The following ZNF609 variants were observed in gnomAD, a reference collection of about 807,000 sequenced individuals.
ZNF609 encodes the protein zinc finger protein 609.
ZNF609 carries 11 observed loss-of-function variants against 109.5 expected under a neutral mutation model. The ratio of observed to expected loss-of-function variants is 0.10; its 90% confidence interval spans 0.06 to 0.17. ZNF609 has a LOEUF of 0.17. Among genes scored for constraint, ZNF609 ranks in the 10% least tolerant of loss-of-function variants. The pLI is 1.00. For missense variants in ZNF609, 1,559 were observed against 1,772.4 expected (o/e 0.88, Z 2.16); for synonymous variants, 646 against 662.0 (o/e 0.98, Z 0.37).
At chr15:64,561,759 C>T (rs975992219) in intron 2 of ZNF609, among the ~76,000 whole-genome samples, 4 of 152,024 alleles carry the variant, frequency 2.6e-5, no homozygotes, top group Non-Finnish European at 5.9e-5. Context: ...GAAACTTGTG[C>T]ATACCAAGAC....
At chr15:64,478,893 C>T (rs1893209628) in intron 1 of ZNF609, among the ~76,000 whole-genome samples, 1 of 152,092 alleles carries the variant, frequency 6.6e-6, no homozygotes, top group Admixed American at 6.6e-5. Flanking sequence ...ATTTTAAAGC[C>T]AGCAGCTGTT....
At chr15:64,615,858 C>G (rs2140965708) in intron 2 of ZNF609, among the ~76,000 whole-genome samples, 1 of 152,280 alleles carries the variant, frequency 6.6e-6, no homozygotes, top group Admixed American at 6.5e-5. Flanking sequence ...GTACCAACAT[C>G]CCCAACTACC....
At chr15:64,623,183 C>T in intron 3 of ZNF609, 131 bp downstream of exon 3, 1 of 910,166 alleles carries the variant, frequency 1.1e-6, no homozygotes, top group South Asian at 1.7e-5. Context: ...CGGGAGATAC[C>T]CACACAGAGG....
rs1893588029 is a variant in ZNF609 at position 64,503,309 on chromosome 15, T to G, written c.747+3143T>G. Among the ~76,000 whole-genome samples, 7 of 152,314 alleles carry G rather than the reference T, an allele frequency of 4.6e-5. No homozygotes were observed. In the South Asian group the frequency reaches 1.4e-3, roughly 32 times the overall value. On this transcript the variant is annotated intron_variant, in intron 2 of 9. Coordinates refer to ENST00000326648, the MANE Select transcript of ZNF609 (RefSeq NM_015042.2). Reference sequence around the variant, plus strand: ...GCTCTGAATTGTTATTGAACACTTCTGCCTCATACTTCCTGCCAGCTGAAG... The same window carrying G: ...GCTCTGAATTGTTATTGAACACTTCGGCCTCATACTTCCTGCCAGCTGAAG...
At chr15:64,629,989 G>A (rs1325754096) in intron 3 of ZNF609, among the ~76,000 whole-genome samples, 1 of 151,618 alleles carries the variant, frequency 6.6e-6, no homozygotes, top group South Asian at 2.1e-4. Context: ...TATTAAATTC[G>A]AATGTCTAAA....
chr15:64,593,342 A>C, intron 2 of ZNF609: 1 of 1,201,262 alleles, frequency 8.3e-7, no homozygotes, highest in Non-Finnish European at 1.2e-6. Context: ...TGAGTTCTTA[A>C]AGACTGAAGA....
chr15:64,681,320 A>G lies in ZNF609; in HGVS notation c.4174A>G (p.Thr1392Ala), dbSNP rs78246033. ...TCCTGCTTATTCAGGGCTTTCTTCT[A>G]CAGCCATTGTTGCCAGCCAACAAGG... ...NLPYAAGLSS[T>A]AIVASQQGST... The change falls in exon 9 of 10, where the codon ACA (threonine) becomes GCA (alanine). Residue 1392 changes from threonine (T) to alanine (A), a missense_variant. Around this residue, in one of 4 missense-constraint regions of ZNF609, gnomAD observed 1,204 missense variants for 1,314.1 expected, o/e 0.92. Transcript: ENST00000326648. 2 of 1,614,082 alleles carry G rather than the reference A, an allele frequency of 1.2e-6. No homozygotes were observed. The highest frequency in any genetic ancestry group is 2.2e-5 in the East Asian group (1 of 44,884).
chr15:64,568,607 A>G (rs1017565258), intron 2 of ZNF609, among the ~76,000 whole-genome samples: 3 of 152,222 alleles, frequency 2.0e-5, no homozygotes, highest in Admixed American at 2.0e-4. Flanking sequence ...TCACAACTGT[A>G]GGTCCTATTA....
chr15:64,476,971 G>C (rs997305112), intron 1 of ZNF609, among the ~76,000 whole-genome samples: 1 of 151,930 alleles, frequency 6.6e-6, no homozygotes, highest in Admixed American at 6.6e-5. Context: ...GAATTTTCAG[G>C]TTTTTGGTGC....
intron 2 of ZNF609, among the ~76,000 whole-genome samples, chr15:64,513,453 AT>A (rs1219556922): frequency 6.6e-6 from 1 of 152,180 alleles, no homozygotes; most frequent in African/African-American, 2.4e-5. Context: ...AAATTCTTTC[AT>A]TTTTGTTTGC....
chr15:64,518,835 T>G (rs1893851460), intron 2 of ZNF609, among the ~76,000 whole-genome samples: 2 of 151,642 alleles, frequency 1.3e-5, no homozygotes, highest in Non-Finnish European at 2.9e-5. Flanking sequence ...AACCACTTAC[T>G]CATAGGAGGG....
chr15:64,547,833 A>AT (rs771307132), intron 2 of ZNF609, among the ~76,000 whole-genome samples: 9 of 152,144 alleles, frequency 5.9e-5, no homozygotes, highest in Non-Finnish European at 8.8e-5. Context: ...GAAAATACTG[A>AT]TTTTTTATTA....
chr15:64,502,962 G>A (rs1893582123), intron 2 of ZNF609: 1 of 152,100 alleles, frequency 6.6e-6, no homozygotes, highest in South Asian at 2.1e-4. Flanking sequence ...GGGAGGCTGA[G>A]GTGGAAGGAT....
At chr15:64,672,486 A>G (rs184443404) in intron 4 of ZNF609, among the ~76,000 whole-genome samples, 2,086 of 143,910 alleles carry the variant, frequency 0.014, 31 homozygotes, top group African/African-American at 0.049. Context: ...TTAGCTGGGC[A>G]TGGTGGCTCA....
At chr15:64,616,513 T>A (rs909103027) in intron 2 of ZNF609, among the ~76,000 whole-genome samples, 7 of 126,662 alleles carry the variant, frequency 5.5e-5, no homozygotes, top group Non-Finnish European at 9.8e-5. Flanking sequence ...TAAACTGATA[T>A]CTTTTTTTTT....
intron 3 of ZNF609, among the ~76,000 whole-genome samples, chr15:64,667,847 A>T (rs1174862158): frequency 1.3e-5 from 2 of 152,224 alleles, no homozygotes; most frequent in Non-Finnish European, 2.9e-5. Flanking sequence ...AATAGATACT[A>T]AAAAAGCTCA....
intron 2 of ZNF609, among the ~76,000 whole-genome samples, chr15:64,594,001 G>T (rs989819906): frequency 6.6e-5 from 10 of 152,224 alleles, no homozygotes; most frequent in African/African-American, 2.4e-4. Flanking sequence ...ATTAGGAGAG[G>T]TTTGAAGGGT....
chr15:64,655,439 G>A (rs764890718), intron 3 of ZNF609, among the ~76,000 whole-genome samples: 14 of 151,666 alleles, frequency 9.2e-5, no homozygotes, highest in Non-Finnish European at 1.0e-4. Context: ...TCCATCCCCC[G>A]CAAAAAATCA....
chr15:64,473,338 A>G (rs1270513265), intron 1 of ZNF609, among the ~76,000 whole-genome samples: 2 of 150,356 alleles, frequency 1.3e-5, no homozygotes, highest in East Asian at 4.0e-4. Flanking sequence ...AGCTGGGATT[A>G]CAGATGCCCA....
Sources: gnomAD v4.1 joint callset for allele counts (sites outside exome capture counted in the v4.1 genomes callset) on GRCh38, gnomAD v4.1.1 for gene constraint, gnomAD v4.1.1 regional missense constraint, MANE v1.5 for transcripts, NCBI Gene and HGNC (gene_info 2026-07-23, HGNC 2026-07-21) for gene names.